The following SSBP2 variants were observed in gnomAD, a reference collection of about 807,000 sequenced individuals.
The protein encoded by SSBP2 is single-stranded DNA-binding protein 2.
In SSBP2, 17 loss-of-function variants were observed where a neutral mutation model predicts 61.8. That is an observed-to-expected ratio of 0.28 (90% CI 0.19 to 0.41). SSBP2 has a LOEUF of 0.41. SSBP2 is among the 10% of genes least tolerant of loss of function. SSBP2 has a pLI of 1.00. For missense variants in SSBP2, 310 were observed against 458.7 expected (o/e 0.68, Z 2.96); for synonymous variants, 139 against 141.3 (o/e 0.98, Z 0.12).
At chr5:81,501,615 T>C (rs1233034100) in intron 5 of SSBP2, among the ~76,000 whole-genome samples, 2 of 141,864 alleles carry the variant, frequency 1.4e-5, no homozygotes, top group East Asian at 2.1e-4. Flanking sequence ...CAGGCTGGAG[T>C]GTAGTGGCGT....
intron 1 of SSBP2, among the ~76,000 whole-genome samples, chr5:81,673,778 A>C (rs1751764376): frequency 6.6e-6 from 1 of 152,222 alleles, no homozygotes; most frequent in East Asian, 1.9e-4. Context: ...GTTGGCACTA[A>C]ATCAATGAAT....
intron 4 of SSBP2, among the ~76,000 whole-genome samples, chr5:81,578,964 G>A (rs111255978): frequency 1.3e-3 from 203 of 151,978 alleles, no homozygotes; most frequent in East Asian, 8.5e-3. Context: ...AATTGTATAC[G>A]AAATATGCCA....
chr5:81,486,578 T>TA (rs1395090715), intron 6 of SSBP2, among the ~76,000 whole-genome samples: 11 of 152,248 alleles, frequency 7.2e-5, no homozygotes, highest in Non-Finnish European at 1.5e-4. Flanking sequence ...ACGGAATGTC[T>TA]AAAAAACCAT....
chr5:81,427,097 A>T (rs1761999947), intron 16 of SSBP2, among the ~76,000 whole-genome samples: 1 of 152,196 alleles, frequency 6.6e-6, no homozygotes, highest in Admixed American at 6.5e-5. Flanking sequence ...TTGAATTATC[A>T]AATACCTCAC....
intron 1 of SSBP2, among the ~76,000 whole-genome samples, chr5:81,688,325 T>G (rs1006729737): frequency 6.6e-6 from 1 of 152,202 alleles, no homozygotes; most frequent in African/African-American, 2.4e-5. Context: ...CATCACTGGA[T>G]CCGCCCAGGA....
chr5:81,704,634 A>G (rs1049472443), intron 1 of SSBP2, among the ~76,000 whole-genome samples: 2 of 151,966 alleles, frequency 1.3e-5, no homozygotes, highest in African/African-American at 2.4e-5. Flanking sequence ...CGTCTCTACT[A>G]AAAATACAAA....
At chr5:81,426,923 A>T (rs1379239648) in intron 16 of SSBP2, among the ~76,000 whole-genome samples, 2 of 152,222 alleles carry the variant, frequency 1.3e-5, no homozygotes, top group Non-Finnish European at 2.9e-5. Context: ...CATGGCTTAT[A>T]TATACATTAC....
intron 4 of SSBP2, among the ~76,000 whole-genome samples, chr5:81,546,393 T>TG (rs1771731136): frequency 6.6e-6 from 1 of 152,178 alleles, no homozygotes; most frequent in African/African-American, 2.4e-5. Context: ...TTTACTGATA[T>TG]AGGAGTCAAT....
At chr5:81,544,837 T>C (rs1771603575) in intron 4 of SSBP2, among the ~76,000 whole-genome samples, 1 of 152,226 alleles carries the variant, frequency 6.6e-6, no homozygotes, top group Non-Finnish European at 1.5e-5. Context: ...GACTGAGTTA[T>C]GGCAAATATG....
chr5:81,466,007 T>C (rs1160580952), intron 9 of SSBP2, among the ~76,000 whole-genome samples: 4 of 151,978 alleles, frequency 2.6e-5, no homozygotes, highest in African/African-American at 7.2e-5. Context: ...AAATCCTGCA[T>C]AGATGAAAAG....
intron 4 of SSBP2, among the ~76,000 whole-genome samples, chr5:81,521,635 A>G (rs879452808): frequency 4.6e-5 from 7 of 151,904 alleles, no homozygotes; most frequent in Non-Finnish European, 8.8e-5. Context: ...TTTGAAGGAC[A>G]TTTTCCTGAT....
Position 81,416,818 on chromosome 5 carries a change from G to T in SSBP2, c.*3686C>A, listed in dbSNP as rs1051823988. On this transcript the variant is annotated 3_prime_UTR_variant, in exon 17 of 17. Coordinates refer to ENST00000320672, the MANE Select transcript of SSBP2 (RefSeq NM_012446.5). ...GCTGTTTTGGGCACTTTTCATGGCT[G>T]GGGGAGCAGAATTGATTTACTTGTT... The T allele has an allele frequency of 5.3e-5, 8 of 152,032 alleles. No homozygotes were observed. The highest frequency in any genetic ancestry group is 1.9e-4 in the African/African-American group (8 of 41,394). The allele number at this position is 152,032 out of a possible 1,614,324, so 9.4% of individuals were successfully genotyped here. A position where few individuals can be genotyped will look rare whatever the true frequency, so the allele number is the denominator to read the frequency against.
At chr5:81,486,559 A>G (rs1766397599) in intron 6 of SSBP2, among the ~76,000 whole-genome samples, 1 of 152,180 alleles carries the variant, frequency 6.6e-6, no homozygotes, top group African/African-American at 2.4e-5. Flanking sequence ...ATAATATACA[A>G]AGCTATGGAC....
chr5:81,619,572 GA>G (rs1322324859), intron 3 of SSBP2, among the ~76,000 whole-genome samples: 2 of 147,852 alleles, frequency 1.4e-5, no homozygotes, highest in Non-Finnish European at 3.0e-5. Flanking sequence ...CCAATCAATA[GA>G]AAAAGAGGGA....
chr5:81,583,629 C>CA (rs56294944), intron 4 of SSBP2, among the ~76,000 whole-genome samples: 1,714 of 77,034 alleles, frequency 0.022, 38 homozygotes, highest in African/African-American at 0.061. Context: ...GACACCGTCT[C>CA]AAAAAAAAAA....
chr5:81,534,595 G>A (rs1291511254), intron 4 of SSBP2, among the ~76,000 whole-genome samples: 2 of 152,062 alleles, frequency 1.3e-5, no homozygotes, highest in Non-Finnish European at 2.9e-5. Flanking sequence ...TTTATTACTA[G>A]ACGAGACATG....
chr5:81,728,807 GGCATTAAATGAAACCAAC>G (rs1756065788), intron 1 of SSBP2, among the ~76,000 whole-genome samples: 1 of 152,182 alleles, frequency 6.6e-6, no homozygotes, highest in Non-Finnish European at 1.5e-5. Flanking sequence ...TAGTGGGTAT[GGCATTAAATGAAACCAAC>G]GCATCTACTG....
chr5:81,593,341 T>A (rs567972419), intron 4 of SSBP2, among the ~76,000 whole-genome samples: 1 of 152,098 alleles, frequency 6.6e-6, no homozygotes, highest in Admixed American at 6.5e-5. Flanking sequence ...TGGGACTATG[T>A]GAAAAGACCA....
intron 4 of SSBP2, among the ~76,000 whole-genome samples, chr5:81,566,230 T>C (rs1773412227): frequency 6.6e-6 from 1 of 152,140 alleles, no homozygotes; most frequent in Admixed American, 6.5e-5. Flanking sequence ...AGTATGCATA[T>C]AAGGTTCGTG....
Sources: allele counts gnomAD v4.1 joint callset (sites outside exome capture counted in the v4.1 genomes callset), GRCh38; gene constraint gnomAD v4.1.1; transcripts MANE v1.5; gene names NCBI Gene and HGNC (gene_info 2026-07-23, HGNC 2026-07-21).